The following CTCF variants were observed in gnomAD, a reference collection of about 807,000 sequenced individuals.
CTCF encodes the protein CCCTC-binding factor.
CTCF carries 7 observed loss-of-function variants against 72.3 expected under a neutral mutation model. The ratio of observed to expected loss-of-function variants is 0.10; its 90% CI spans 0.06 to 0.18. The LOEUF (loss-of-function observed/expected upper bound fraction) is 0.18. CTCF is among the 10% of genes least tolerant of loss of function. CTCF has a pLI of 1.00. For synonymous variants in CTCF, 374 were observed against 315.8 expected, an observed-to-expected ratio of 1.18 and a Z score of -1.95; for missense variants, 516 against 949.1, an observed-to-expected ratio of 0.54 and a Z score of 6.00.
At chr16:67,611,675 T>G in intron 3 of CTCF, 62 bp downstream of exon 3, 1 of 1,431,890 alleles carries the variant, frequency 7.0e-7, no homozygotes, top group Non-Finnish European at 9.6e-7. Flanking sequence ...TACAACACAG[T>G]GCATATGCAA....
intron 8 of CTCF, among the ~76,000 whole-genome samples, 174 bp from the exon 9 acceptor site, chr16:67,628,196 T>G (rs1042369165): frequency 6.6e-6 from 1 of 152,208 alleles, no homozygotes; most frequent in Non-Finnish European, 1.5e-5. Context: ...CTCCAGACTT[T>G]GCAACAGAGC....
intron 5 of CTCF, 48 bp downstream of exon 5, chr16:67,616,926 T>G: frequency 1.3e-6 from 2 of 1,590,088 alleles, no homozygotes; most frequent in Non-Finnish European, 1.7e-6. Flanking sequence ...AGACCATGAT[T>G]TATTTCAATA....
intron 2 of CTCF, among the ~76,000 whole-genome samples, chr16:67,597,570 C>T (rs1597701032): frequency 6.6e-6 from 1 of 152,180 alleles, no homozygotes; most frequent in Non-Finnish European, 1.5e-5. Context: ...AACTCCTGAC[C>T]TTATTATCCA....
At chr16:67,603,363 A>T (rs1471538918) in intron 2 of CTCF, among the ~76,000 whole-genome samples, 1 of 151,902 alleles carries the variant, frequency 6.6e-6, no homozygotes. Flanking sequence ...CCCCGTCCCT[A>T]CTAAAAATAC....
intron 2 of CTCF, among the ~76,000 whole-genome samples, chr16:67,595,599 G>A (rs2051801329): frequency 6.6e-6 from 1 of 152,148 alleles, no homozygotes; most frequent in African/African-American, 2.4e-5. Flanking sequence ...TTGGCACCAT[G>A]CATGTATTGT....
At chr16:67,575,905 C>T (rs1338894640) in intron 2 of CTCF, among the ~76,000 whole-genome samples, 4 of 150,650 alleles carry the variant, frequency 2.7e-5, no homozygotes, top group Non-Finnish European at 5.9e-5. Flanking sequence ...AACAAGGTCT[C>T]GTTGCATGTT....
intron 2 of CTCF, among the ~76,000 whole-genome samples, chr16:67,588,571 C>T (rs754926233): frequency 4.6e-5 from 7 of 152,110 alleles, no homozygotes; most frequent in Non-Finnish European, 1.0e-4. Flanking sequence ...TGGGAGGCAG[C>T]CTCCTGTTGG....
intron 2 of CTCF, among the ~76,000 whole-genome samples, chr16:67,602,382 CA>C (rs1426304430): frequency 6.6e-6 from 1 of 152,168 alleles, no homozygotes; most frequent in Non-Finnish European, 1.5e-5. Flanking sequence ...TTTACATTCA[CA>C]GCATCTCAAT....
chr16:67,636,297 A>C (rs530649184), intron 10 of CTCF, among the ~76,000 whole-genome samples: 2 of 151,684 alleles, frequency 1.3e-5, no homozygotes, highest in South Asian at 4.2e-4. Context: ...AATTAAACCC[A>C]GGTTGCAGAG....
At position 67,628,571 on chromosome 16, in the gene CTCF, C is replaced by G. The variant is rs2052321714; in HGVS notation, c.1701+19C>G. ...ACGTCGGGTAAGGGTCAGAACTTCA[C>G]TTTGCCTGTTATGATACTGAATATT... is the stretch of plus-strand genomic sequence containing the variant. On this transcript the variant is annotated intron_variant, in intron 9 of 11. Coordinates refer to ENST00000264010, the MANE Select transcript of CTCF (RefSeq NM_006565.4). 6.2e-7 allele frequency: 1 copy of G among 1,610,806 alleles called. No individual in the cohort carries two copies. Among genetic ancestry groups the G allele is most frequent in the Non-Finnish European group, 8.5e-7 (1 of 1,177,276 alleles).
At chr16:67,588,698 T>TA (rs1325086744) in intron 2 of CTCF, among the ~76,000 whole-genome samples, 2 of 152,042 alleles carry the variant, frequency 1.3e-5, no homozygotes, top group Non-Finnish European at 2.9e-5. Flanking sequence ...ATAATATATA[T>TA]TTTTTTGATA....
intron 2 of CTCF, among the ~76,000 whole-genome samples, chr16:67,596,249 G>A (rs1055610724): frequency 2.0e-5 from 3 of 152,218 alleles, no homozygotes; most frequent in African/African-American, 7.2e-5. Context: ...ACCATGCCCA[G>A]TCTGGGGAGT....
At chr16:67,612,286 T>A in intron 4 of CTCF, 165 bp downstream of exon 4, 1 of 575,172 alleles carries the variant, frequency 1.7e-6, no homozygotes, top group Non-Finnish European at 2.9e-6. Context: ...ACTTAGTTAT[T>A]ATAGACAAAT....
At chr16:67,623,972 C>T (rs994052332) in intron 7 of CTCF, among the ~76,000 whole-genome samples, 1 of 147,992 alleles carries the variant, frequency 6.8e-6, no homozygotes, top group Non-Finnish European at 1.5e-5. Flanking sequence ...TGCTTCAATC[C>T]GGGAGGGGGA....
chr16:67,617,378 A>G (rs1360447161), intron 5 of CTCF, among the ~76,000 whole-genome samples: 1 of 152,196 alleles, frequency 6.6e-6, no homozygotes, highest in Non-Finnish European at 1.5e-5. Flanking sequence ...AGGCACCTAT[A>G]GTCCCAGCTA....
chr16:67,604,779 A>G (rs758478493), intron 2 of CTCF, among the ~76,000 whole-genome samples: 4 of 129,118 alleles, frequency 3.1e-5, no homozygotes, highest in Non-Finnish European at 6.3e-5. Context: ...TTTAATATGA[A>G]TTTTTTTTAC....
intron 1 of CTCF, among the ~76,000 whole-genome samples, chr16:67,569,766 A>C (rs748300135): frequency 6.7e-6 from 1 of 149,786 alleles, no homozygotes; most frequent in Non-Finnish European, 1.5e-5. Context: ...GCTCATTCCA[A>C]CCTCCGGCTC....
At chr16:67,606,884 A>C (rs2051981211) in intron 2 of CTCF, among the ~76,000 whole-genome samples, 1 of 150,642 alleles carries the variant, frequency 6.6e-6, no homozygotes, top group Admixed American at 6.7e-5. Flanking sequence ...AGCCTCACTC[A>C]GCCTTCCAAG....
Position 67,626,583 on chromosome 16 carries a change from T to C in CTCF, c.1386T>C (p.Tyr462=), listed in dbSNP as rs757887095. The C allele has an allele frequency of 6.5e-7, 1 of 1,548,126 alleles. No homozygotes were observed. The highest frequency in any genetic ancestry group is 8.7e-7 in the Non-Finnish European group (1 of 1,144,044). The change falls in exon 8 of 12, where the codon TAT becomes TAC. Residue 462 remains tyrosine, a synonymous_variant. Coordinates refer to ENST00000264010, the MANE Select transcript of CTCF (RefSeq NM_006565.4). Reference sequence around the variant, plus strand: ...TCCACTTGCGAAAGCAGCATTCCTATATTGAGCAAGGCAAGAAATGCCGTT... The same window carrying C: ...TCCACTTGCGAAAGCAGCATTCCTACATTGAGCAAGGCAAGAAATGCCGTT... ...LGVHLRKQHS[Y]IEQGKKCRYC...
Sources: gnomAD v4.1 joint callset for allele counts (sites outside exome capture counted in the v4.1 genomes callset) on GRCh38, gnomAD v4.1.1 for gene constraint, MANE v1.5 for transcripts, NCBI Gene and HGNC (gene_info 2026-07-23, HGNC 2026-07-21) for gene names.